The following STK31 variants were observed in gnomAD, a reference collection of about 807,000 sequenced individuals.
The protein encoded by STK31 is serine/threonine-protein kinase 31.
STK31 carries 89 observed loss-of-function variants against 129.7 expected under a neutral mutation model. That is an observed-to-expected ratio of 0.69 (90% CI 0.58 to 0.82). The LOEUF is 0.82. Ranked by LOEUF, STK31 falls within the 40% of genes least tolerant of loss-of-function variation. STK31 has a pLI of 0.00. For synonymous variants in STK31, 448 were observed against 395.3 expected (o/e 1.13, Z -1.58); for missense variants, 1,187 against 1,176.4 (o/e 1.01, Z -0.13).
chr7:23,781,081 G>A (rs917565576), intron 15 of STK31, among the ~76,000 whole-genome samples: 4 of 152,168 alleles, frequency 2.6e-5, no homozygotes, highest in African/African-American at 9.7e-5. Flanking sequence ...GAATTCAGGT[G>A]TATTCTGGTT....
intron 3 of STK31, among the ~76,000 whole-genome samples, chr7:23,713,167 A>C (rs1438559986): frequency 6.6e-6 from 1 of 152,198 alleles, no homozygotes; most frequent in East Asian, 1.9e-4. Flanking sequence ...GATATAGCCT[A>C]CCACATACCT....
At chr7:23,778,199 G>T (rs1310798415) in intron 15 of STK31, among the ~76,000 whole-genome samples, 1 of 152,184 alleles carries the variant, frequency 6.6e-6, no homozygotes, top group Non-Finnish European at 1.5e-5. Flanking sequence ...TTTCTGCAGA[G>T]AAATTGCTGT....
intron 6 of STK31, among the ~76,000 whole-genome samples, chr7:23,734,091 G>A (rs1787584530): frequency 6.6e-6 from 1 of 152,088 alleles, no homozygotes; most frequent in African/African-American, 2.4e-5. Flanking sequence ...AATGTGACCG[G>A]TTTGTATTTT....
intron 22 of STK31, among the ~76,000 whole-genome samples, chr7:23,802,351 C>T (rs547288260): frequency 1.3e-5 from 2 of 152,146 alleles, no homozygotes; most frequent in African/African-American, 2.4e-5. Flanking sequence ...TCCCGCTGTG[C>T]GGTCCAGATG....
At position 23,790,924 on chromosome 7, in the gene STK31, C is replaced by T; in HGVS notation, c.2738C>T (p.Ala913Val). Residue 913 changes from alanine (A) to valine (V), a missense_variant, in exon 22 of 24, where the codon GCT becomes GTT. Ala to Val is a moderately conservative substitution (Grantham distance 64). Around this residue, in one of 5 missense-constraint regions of STK31, gnomAD observed 975 missense variants for 934.9 expected, o/e 1.04. Transcript: ENST00000355870. ...KPASPGSDLY[A>V]YGCLLLWLSV... ...GCTTCTCCAGGTTCAGACTTATATG[C>T]TTATGGCTGCCTCTTATTATGGGTA... 6.3e-7 allele frequency: 1 copy of T among 1,584,778 alleles called. No individual in the cohort carries two copies. Among genetic ancestry groups the T allele is most frequent in the Non-Finnish European group, 8.6e-7 (1 of 1,169,082 alleles).
At chr7:23,716,589 A>G (rs1271077084) in intron 3 of STK31, among the ~76,000 whole-genome samples, 2 of 152,082 alleles carry the variant, frequency 1.3e-5, no homozygotes, top group East Asian at 3.9e-4. Flanking sequence ...TTCTTCTGTA[A>G]GGAAGAGCTG....
intron 22 of STK31, among the ~76,000 whole-genome samples, chr7:23,808,484 C>T (rs1157075455): frequency 2.0e-5 from 3 of 151,988 alleles, no homozygotes; most frequent in Non-Finnish European, 2.9e-5. Context: ...CTGCCAACAC[C>T]GTGGGGAGTG....
At chr7:23,758,817 A>G (rs976161943) in intron 10 of STK31, among the ~76,000 whole-genome samples, 3 of 152,158 alleles carry the variant, frequency 2.0e-5, no homozygotes, top group African/African-American at 7.2e-5. Flanking sequence ...TAAATGGGCC[A>G]AATGCCCCAA....
intron 3 of STK31, among the ~76,000 whole-genome samples, chr7:23,713,587 G>A (rs1786110011): frequency 6.6e-6 from 1 of 151,972 alleles, no homozygotes; most frequent in Admixed American, 6.6e-5. Flanking sequence ...TATTCTTTAC[G>A]TCCTTATTCT....
chr7:23,816,940 CT>C (rs1351426153), intron 23 of STK31, among the ~76,000 whole-genome samples: 1 of 152,164 alleles, frequency 6.6e-6, no homozygotes, highest in Non-Finnish European at 1.5e-5. Flanking sequence ...AATCCCAGCA[CT>C]TTGGGAGGCC....
At chr7:23,747,509 A>G (rs942533431) in intron 8 of STK31, among the ~76,000 whole-genome samples, 4 of 152,074 alleles carry the variant, frequency 2.6e-5, no homozygotes, top group African/African-American at 4.8e-5. Context: ...AGCTGGGACT[A>G]CAGGCGCCCG....
chr7:23,750,067 T>TCCTCCCC (rs1554287953), intron 8 of STK31, among the ~76,000 whole-genome samples: 1 of 90,556 alleles, frequency 1.1e-5, no homozygotes, highest in Admixed American at 1.4e-4. Context: ...ATGGTTTGTT[T>TCCTCCCC]CCCCCCCCGC....
intron 14 of STK31, 128 bp from the exon 15 acceptor site, chr7:23,772,019 A>G: frequency 1.7e-6 from 1 of 593,870 alleles, no homozygotes; most frequent in African/African-American, 1.9e-5. Context: ...AAAATTATAG[A>G]TTTTCTTGGT....
At position 23,754,387 on chromosome 7, in the gene STK31, T is replaced by G. The variant is rs557804147; in HGVS notation, c.1206T>G (p.Phe402Leu). 6.2e-6 allele frequency: 10 copies of G among 1,614,004 alleles called. No homozygotes were observed. The highest frequency in any genetic ancestry group is 6.8e-6 in the Non-Finnish European group (8 of 1,180,000). Residue 402 changes from phenylalanine to leucine, a missense_variant, in exon 10 of 24, where the codon TTT (phenylalanine) becomes TTG (leucine). Phe to Leu is a conservative substitution (Grantham distance 22, BLOSUM62 0). Coordinates refer to ENST00000355870, the MANE Select transcript of STK31 (RefSeq NM_031414.5). ...DAIQVLDEGCFTTPASLNGLE... is the reference protein window; with the variant it reads ...DAIQVLDEGCLTTPASLNGLE... ...TACAAGTGTTGGATGAAGGGTGCTT[T>G]ACTACTCCAGCTTCTTTGAATGGAT...
At chr7:23,742,490 T>C (rs573007680) in intron 8 of STK31, among the ~76,000 whole-genome samples, 1 of 152,316 alleles carries the variant, frequency 6.6e-6, no homozygotes, top group South Asian at 2.1e-4. Flanking sequence ...GTGGATTCCT[T>C]TTCTGGAACA....
At chr7:23,737,860 AGTGTGTGTGTGTGTGT>A (rs67303802) in intron 8 of STK31, among the ~76,000 whole-genome samples, 111 of 149,262 alleles carry the variant, frequency 7.4e-4, no homozygotes, top group Admixed American at 2.1e-3. Flanking sequence ...GTGGTTGATA[AGTGTGTGTGTGTGTGT>A]GTGTGTGTGT....
chr7:23,776,663 G>A (rs1790566508), intron 15 of STK31, among the ~76,000 whole-genome samples: 1 of 152,170 alleles, frequency 6.6e-6, no homozygotes, highest in Non-Finnish European at 1.5e-5. Flanking sequence ...ATTTCTGTGG[G>A]ATCAGTGGTG....
At chr7:23,731,577 C>G (rs936486889) in intron 6 of STK31, among the ~76,000 whole-genome samples, 2 of 152,204 alleles carry the variant, frequency 1.3e-5, no homozygotes, top group African/African-American at 4.8e-5. Context: ...TCAGTAACAA[C>G]ACAAATACCT....
At chr7:23,792,051 C>T (rs1330840852) in intron 22 of STK31, among the ~76,000 whole-genome samples, 1 of 152,126 alleles carries the variant, frequency 6.6e-6, no homozygotes, top group Non-Finnish European at 1.5e-5. Flanking sequence ...GTGAAAACTA[C>T]CCTTGGCTTG....
Sources: allele counts gnomAD v4.1 joint callset (sites outside exome capture counted in the v4.1 genomes callset), GRCh38; gene constraint gnomAD v4.1.1; regional missense constraint gnomAD v4.1.1; transcripts MANE v1.5; gene names NCBI Gene and HGNC (gene_info 2026-07-23, HGNC 2026-07-21).